SAGE1: variants seen among roughly 807,000 people sequenced by gnomAD.
The protein encoded by SAGE1 is sarcoma antigen 1.
Under a neutral mutation model 55.4 loss-of-function variants are expected in SAGE1, and 55 were observed. The ratio of observed to expected loss-of-function variants is 0.99; its 90% CI spans 0.80 to 1.24. The LOEUF is 1.24. Ranked by LOEUF, SAGE1 falls within the 50% of genes most tolerant of loss-of-function variation. The pLI, the probability that SAGE1 is intolerant of heterozygous loss-of-function variation, is 0.00. For missense variants in SAGE1, 710 were observed against 704.4 expected, an observed-to-expected ratio of 1.01 and a Z score of -0.09; for synonymous variants, 240 against 244.3, an observed-to-expected ratio of 0.98 and a Z score of 0.17.
chrX:135,912,087 CT>C (rs1422184144), intron 18 of SAGE1, 134 bp downstream of exon 18: 1 of 1,105,323 alleles, frequency 9.0e-7, no homozygotes, highest in Admixed American at 3.4e-5. Context: ...CATGGCTTTA[CT>C]TTAATTTCAC....
chrX:135,912,669 A>G, intron 19 of SAGE1, 129 bp from the exon 20 acceptor site: 2 of 1,105,786 alleles, frequency 1.8e-6, no homozygotes, highest in South Asian at 2.3e-5. Context: ...TCTAGTTTGT[A>G]TCTTTCAATG....
chrX:135,905,947 G>T, intron 5 of SAGE1, 77 bp from the exon 6 acceptor site: 1 of 849,389 alleles, frequency 1.2e-6, no homozygotes, highest in South Asian at 3.0e-5. Flanking sequence ...CCTAGAAACT[G>T]AGCATCAGAG....
chrX:135,908,437 G>A, intron 11 of SAGE1, 40 bp from the exon 12 acceptor site: 2 of 1,173,212 alleles, frequency 1.7e-6, no homozygotes, highest in Non-Finnish European at 2.3e-6. Context: ...TTGGCATAAT[G>A]CACTTAACTC....
chrX:135,911,329 CTG>C lies in SAGE1; in HGVS notation c.2146+1_2146+2del. On this transcript the variant is annotated frameshift_variant and splice_region_variant, in exon 17 of 20. Coordinates refer to ENST00000370709, the MANE Select transcript of SAGE1 (RefSeq NM_001381902.1). LOFTEE classifies it high-confidence loss of function. Reference sequence around the variant, plus strand: ...TATTTCATGCAGAAGTACCAGGGATCTGTGTATGTTTGTGTATTGGTTGTACT... The same window carrying C: ...TATTTCATGCAGAAGTACCAGGGATCTGTATGTTTGTGTATTGGTTGTACT... ...AGISCRSTRD[L>X]YATVIHDIQE... The C allele has an allele frequency of 1.7e-6, 2 of 1,207,924 alleles. No homozygotes were observed. Among genetic ancestry groups the C allele is most frequent in the Non-Finnish European group, 2.2e-6 (2 of 892,829 alleles).
chrX:135,912,024 G>T, intron 18 of SAGE1, 71 bp downstream of exon 18: 1 of 1,164,816 alleles, frequency 8.6e-7, no homozygotes, highest in South Asian at 2.1e-5. Context: ...GAACAGAATT[G>T]AGCTGCCTCT....
At chrX:135,908,689 G>T in intron 12 of SAGE1, 72 bp downstream of exon 12, 6 of 1,085,353 alleles carry the variant, frequency 5.5e-6, no homozygotes, top group Non-Finnish European at 7.5e-6. Context: ...AAGGGAAGAA[G>T]GTTGTTTTGT....
chrX:135,906,748 C>T (rs369270029), intron 7 of SAGE1, among the ~76,000 whole-genome samples, 178 bp from the exon 8 acceptor site: 1 of 111,142 alleles, frequency 9.0e-6, no homozygotes, highest in Non-Finnish European at 1.9e-5. Flanking sequence ...AAAAAGCATA[C>T]AAGGTGGTTT....
At chrX:135,904,852 C>G (rs1211995922) in intron 4 of SAGE1, among the ~76,000 whole-genome samples, 1 of 111,359 alleles carries the variant, frequency 9.0e-6, no homozygotes, top group Non-Finnish European at 1.9e-5. Flanking sequence ...AACCTCTTCA[C>G]TTGGTTTCCA....
At chrX:135,912,269 G>T in intron 18 of SAGE1, 52 bp from the exon 19 acceptor site, 1 of 1,171,286 alleles carries the variant, frequency 8.5e-7, no homozygotes, top group Non-Finnish European at 1.1e-6. Context: ...TAAGATTGAG[G>T]TATATTTCAT....
intron 1 of SAGE1, among the ~76,000 whole-genome samples, chrX:135,894,987 AGTTT>A (rs67350402): frequency 2.8e-5 from 3 of 105,366 alleles, no homozygotes; most frequent in East Asian, 3.0e-4. Context: ...AAATCCCACA[AGTTT>A]GTTTGTTTGT....
intron 2 of SAGE1, among the ~76,000 whole-genome samples, chrX:135,898,718 TCG>T (rs1556595057): frequency 3.6e-5 from 4 of 112,441 alleles, no homozygotes; most frequent in Non-Finnish European, 7.5e-5. Context: ...CATTGTGGTT[TCG>T]AGTTGCATTT....
At chrX:135,903,472 C>G (rs1556598167) in intron 3 of SAGE1, among the ~76,000 whole-genome samples, 1 of 112,732 alleles carries the variant, frequency 8.9e-6, no homozygotes, top group African/African-American at 3.2e-5. Flanking sequence ...ACTGCTGATC[C>G]CTGGGTCCTG....
chrX:135,907,360 C>A lies in SAGE1; in HGVS notation c.925C>A (p.Gln309Lys). 1 of 1,206,946 alleles carries A rather than the reference C, an allele frequency of 8.3e-7. No individual in the cohort carries two copies. Among genetic ancestry groups the A allele is most frequent in the Non-Finnish European group, 1.1e-6 (1 of 891,871 alleles). ...CTGTGAAGAGAAGATGGAAAATGACCAACCGCAACCTAATAACGTATTGTC... is the reference window on the plus strand; with the variant it reads ...CTGTGAAGAGAAGATGGAAAATGACAAACCGCAACCTAATAACGTATTGTC... Reference protein sequence around the residue: ...NVCEEKMENDQPQPNNVLSTV... With the variant: ...NVCEEKMENDKPQPNNVLSTV... Residue 309 changes from glutamine to lysine, a missense_variant, in exon 9 of 20, where the codon CAA becomes AAA. By Grantham distance (53) the Gln-to-Lys change is moderately conservative. Transcript: ENST00000370709.
At chrX:135,912,173 T>C (rs2088909906) in intron 18 of SAGE1, 148 bp from the exon 19 acceptor site, 1 of 1,089,847 alleles carries the variant, frequency 9.2e-7, no homozygotes, top group Non-Finnish European at 1.2e-6. Flanking sequence ...CTTAGTAATA[T>C]ACAGATGTCG....
At chrX:135,912,081 G>T in intron 18 of SAGE1, 128 bp downstream of exon 18, 1 of 1,109,898 alleles carries the variant, frequency 9.0e-7, no homozygotes, top group Non-Finnish European at 1.2e-6. Flanking sequence ...ATTTAGCATG[G>T]CTTTACTTTA....
chrX:135,896,358 A>G (rs1556593857), intron 2 of SAGE1, 29 bp downstream of exon 2: 1 of 953,845 alleles, frequency 1.0e-6, no homozygotes, highest in Non-Finnish European at 1.5e-6. Flanking sequence ...TTTCTGCCCT[A>G]ATTGTGACAT....
In SAGE1 at chrX:135,912,913, G is replaced by A. The variant is rs782405894; in HGVS notation, c.*16G>A. ...AAAAAGATAATTGTGTTAGTGCAAA[G>A]ACCAAGGAGAAACAAGGACATATGC... On this transcript the variant is annotated 3_prime_UTR_variant, in exon 20 of 20. Transcript: ENST00000370709. 3 of 1,072,069 alleles carry A rather than the reference G, an allele frequency of 2.8e-6. No homozygotes were observed. The highest frequency in any genetic ancestry group is 3.9e-6 in the Non-Finnish European group (3 of 771,874). The allele number at this position is 1,072,069 out of a possible 1,213,427, so 88.4% of individuals were successfully genotyped here.
chrX:135,903,028 C>T (rs1366831013), intron 3 of SAGE1, among the ~76,000 whole-genome samples: 5 of 111,999 alleles, frequency 4.5e-5, no homozygotes, highest in African/African-American at 1.6e-4. Context: ...GCACTCAGAA[C>T]AGACCCTGAA....
intron 6 of SAGE1, 67 bp downstream of exon 6, chrX:135,906,231 A>G (rs1603137879): frequency 8.9e-7 from 1 of 1,120,038 alleles, no homozygotes; most frequent in East Asian, 3.0e-5. Flanking sequence ...CCATGAAGGG[A>G]GTTAGGTGGT....
Sources: allele counts gnomAD v4.1 joint callset (sites outside exome capture counted in the v4.1 genomes callset), GRCh38; gene constraint gnomAD v4.1.1; transcripts MANE v1.5; gene names NCBI Gene and HGNC (gene_info 2026-07-23, HGNC 2026-07-21).